Variants in HBEGF observed in about 807,000 individuals in gnomAD.
HBEGF encodes heparin binding EGF like growth factor.
HBEGF carries 8 observed loss-of-function variants against 19.5 expected under a neutral mutation model. The observed-to-expected ratio is 0.41, with a 90% CI of 0.24 to 0.74. The LOEUF (loss-of-function observed/expected upper bound fraction) is 0.74. Among genes scored for constraint, HBEGF ranks in the 30% least tolerant of loss-of-function variants. The probability of loss-of-function intolerance (pLI) is 0.32; values close to 1 mark genes in which losing one functional copy is unlikely to be tolerated. For missense variants in HBEGF, 207 were observed against 256.9 expected (o/e 0.81, Z 1.33); for synonymous variants, 97 against 108.9 (o/e 0.89, Z 0.68).
chr5:140,337,618 G>A lies in HBEGF; in HGVS notation c.399-1591C>T, dbSNP rs11465450. On this transcript the variant is annotated intron_variant, in intron 3 of 5. Coordinates refer to ENST00000230990, the MANE Select transcript of HBEGF (RefSeq NM_001945.3). Reference sequence around the variant, plus strand: ...GTCCACAACCAGCAGTGGCAGAGGGGCCAGGCTGGGTGGTACTGCATTCTT... The same window carrying A: ...GTCCACAACCAGCAGTGGCAGAGGGACCAGGCTGGGTGGTACTGCATTCTT... Among the ~76,000 whole-genome samples the A allele has an allele frequency of 7.6e-3, 1,162 of 152,270 alleles. 10 individuals carry two copies. Among genetic ancestry groups the A allele is most frequent in the Non-Finnish European group, 0.012 (803 of 68,012 alleles).
chr5:140,339,737 G>C (rs543769070), intron 3 of HBEGF, among the ~76,000 whole-genome samples: 1 of 152,098 alleles, frequency 6.6e-6, no homozygotes, highest in African/African-American at 2.4e-5. Flanking sequence ...GACACAAAAA[G>C]GGTTTTCCTG....
intron 3 of HBEGF, 91 bp downstream of exon 3, chr5:140,342,544 T>A: frequency 8.1e-7 from 1 of 1,234,570 alleles, no homozygotes; most frequent in South Asian, 1.3e-5. Flanking sequence ...CTGGGTGAAA[T>A]TATGAATTCA....
chr5:140,346,140 G>C lies in HBEGF; in HGVS notation c.47-56C>G. ...ACCCGCCCAGACCCCTGACCAACAC[G>C]CACCGATGCCGACGCCCGTCCGCCA... On this transcript the variant is annotated intron_variant, in intron 1 of 5. Transcript: ENST00000230990. The surrounding 1 kb of genome is among the most constrained non-coding windows in gnomAD (Gnocchi z 6.1). 6.3e-7 allele frequency: 1 copy of C among 1,580,032 alleles called. No homozygotes were observed. The highest frequency in any genetic ancestry group is 8.6e-7 in the Non-Finnish European group (1 of 1,163,688).
At chr5:140,336,174 C>A in intron 3 of HBEGF, 147 bp from the exon 4 acceptor site, 1 of 750,708 alleles carries the variant, frequency 1.3e-6, no homozygotes. Flanking sequence ...CATCCTTCTC[C>A]TCTAGTAGAA....
chr5:140,336,828 CTTTTTT>C (rs1160533557), intron 3 of HBEGF, among the ~76,000 whole-genome samples: 3 of 129,812 alleles, frequency 2.3e-5, no homozygotes, highest in Admixed American at 7.7e-5. Flanking sequence ...TTTTCTTTTT[CTTTTTT>C]TTTTTTTTTT....
chr5:140,338,426 G>A (rs1766259662), intron 3 of HBEGF, among the ~76,000 whole-genome samples: 2 of 152,178 alleles, frequency 1.3e-5, no homozygotes, highest in African/African-American at 4.8e-5. Context: ...TTCAACAGCA[G>A]TCTGGATGAC....
At chr5:140,345,025 T>C (rs1766375323) in intron 2 of HBEGF, among the ~76,000 whole-genome samples, 1 of 151,908 alleles carries the variant, frequency 6.6e-6, no homozygotes, top group Non-Finnish European at 1.5e-5. Flanking sequence ...TTATACAAAG[T>C]AGAGAGAGTA....
At chr5:140,334,541 T>C in intron 5 of HBEGF, 117 bp downstream of exon 5, 1 of 752,026 alleles carries the variant, frequency 1.3e-6, no homozygotes, top group South Asian at 1.5e-5. Flanking sequence ...AATGGGATAT[T>C]AATGTCACAG....
chr5:140,334,608 G>C (rs1766199397), intron 5 of HBEGF, 50 bp downstream of exon 5: 5 of 1,293,774 alleles, frequency 3.9e-6, no homozygotes, highest in Non-Finnish European at 4.5e-6. Context: ...GCACAGCCAG[G>C]AAAGGGGACA....
In HBEGF at chr5:140,346,043, G is replaced by T; in HGVS notation, c.88C>A (p.Arg30=). Residue 30 remains arginine (R), a synonymous_variant, in exon 2 of 6, where the codon CGG becomes AGG. Transcript: ENST00000230990. This position sits in a 1 kb window ranked among gnomAD's most constrained non-coding sequence, Gnocchi z 6.1. The part of the protein sequence containing the change: ...LVTGESLERL[R]RGLAAGTSNP... ...CTGGTTCCAGCAGCTAGCCCTCTCC[G>T]AAGCCGCTCCAGGCTCTCGCCAGTC... The T allele has an allele frequency of 6.2e-7, 1 of 1,613,766 alleles. No individual in the cohort carries two copies. Among genetic ancestry groups the T allele is most frequent in the Non-Finnish European group, 8.5e-7 (1 of 1,179,896 alleles).
rs924771932 is a variant in HBEGF, at chr5:140,332,854, G to A, written c.*1445C>T. The A allele has an allele frequency of 3.9e-5, 6 of 152,566 alleles. No homozygotes were observed. Among genetic ancestry groups the A allele is most frequent in the African/African-American group, 1.4e-4 (6 of 41,418 alleles). The allele number at this position is 152,566 out of a possible 1,614,324, so 9.5% of individuals were successfully genotyped here. ...AACAGACAAAAGGCTATGGAATAAG[G>A]GTTATCTTTATTTGGATTGCAAAGT... On this transcript the variant is annotated 3_prime_UTR_variant, in exon 6 of 6. Coordinates refer to ENST00000230990, the MANE Select transcript of HBEGF (RefSeq NM_001945.3).
Position 140,346,199 on chromosome 5 carries a change from G to C in HBEGF, c.46+84C>G. On this transcript the variant is annotated intron_variant, in intron 1 of 5. Coordinates refer to ENST00000230990, the MANE Select transcript of HBEGF (RefSeq NM_001945.3). The surrounding 1 kb of genome is among the most constrained non-coding windows in gnomAD (Gnocchi z 6.1). ...GGGCCCCACCAAGTGGCCCGTGCCGGGTGCGCTGCGGCGACCTTCCCCCAT... is the reference window on the plus strand; with the variant it reads ...GGGCCCCACCAAGTGGCCCGTGCCGCGTGCGCTGCGGCGACCTTCCCCCAT... 3.9e-6 allele frequency: 6 copies of C among 1,554,552 alleles called. No individual in the cohort carries two copies. The highest frequency in any genetic ancestry group is 5.2e-6 in the Non-Finnish European group (6 of 1,150,150).
At chr5:140,344,375 A>G (rs893912450) in intron 2 of HBEGF, among the ~76,000 whole-genome samples, 1 of 152,070 alleles carries the variant, frequency 6.6e-6, no homozygotes, top group African/African-American at 2.4e-5. Context: ...AATTTCAGCT[A>G]TTTACTGTGG....
At chr5:140,339,401 TA>T (rs1043383735) in intron 3 of HBEGF, among the ~76,000 whole-genome samples, 1 of 152,142 alleles carries the variant, frequency 6.6e-6, no homozygotes, top group Non-Finnish European at 1.5e-5. Context: ...TTATTATTAT[TA>T]TTTTTTTGAG....
rs965619799 is a variant in HBEGF at position 140,346,483 on chromosome 5, G to A, written c.-155C>T. 7.6e-5 allele frequency: 61 copies of A among 806,026 alleles called. No homozygotes were observed. In the African/African-American group the frequency reaches 8.7e-4, roughly 11 times the overall value. 49.9% of individuals were successfully genotyped at this position (806,026 alleles called of 1,614,324 possible). ...GTGCAAGCCTGGCCGGGACCCAGGC[G>A]CAGCTCGCTCTTCTTGAGTGTCTTG... On this transcript the variant is annotated 5_prime_UTR_variant, in exon 1 of 6. Coordinates refer to ENST00000230990, the MANE Select transcript of HBEGF (RefSeq NM_001945.3). The surrounding 1 kb of genome is among the most constrained non-coding windows in gnomAD (Gnocchi z 6.1).
In HBEGF at chr5:140,346,190, C is replaced by T; in HGVS notation, c.46+93G>A. 4.5e-6 allele frequency: 7 copies of T among 1,556,688 alleles called. No individual in the cohort carries two copies. The South Asian group carries it at 8.1e-5, about 18-fold the overall frequency. On this transcript the variant is annotated intron_variant, in intron 1 of 5. Coordinates refer to ENST00000230990, the MANE Select transcript of HBEGF (RefSeq NM_001945.3). This position sits in a 1 kb window ranked among gnomAD's most constrained non-coding sequence, Gnocchi z 6.1. ...AGAGCGCAAGGGCCCCACCAAGTGG[C>T]CCGTGCCGGGTGCGCTGCGGCGACC...
Position 140,346,423 on chromosome 5 carries a change from G to C in HBEGF, c.-95C>G. 3 of 1,386,842 alleles carry C rather than the reference G, an allele frequency of 2.2e-6. No homozygotes were observed. The highest frequency in any genetic ancestry group is 3.0e-6 in the Non-Finnish European group (3 of 1,006,624). The allele number at this position is 1,386,842 out of a possible 1,614,324, so 85.9% of individuals were successfully genotyped here. ...CAGAGCTGGGCGGCGGAGCTCAGGA[G>C]ATTCCGCCGGGCACCGTCTGCCGCC... On this transcript the variant is annotated 5_prime_UTR_variant, in exon 1 of 6. The change creates a new upstream start codon in the 5' untranslated region. Coordinates refer to ENST00000230990, the MANE Select transcript of HBEGF (RefSeq NM_001945.3). The surrounding 1 kb of genome is among the most constrained non-coding windows in gnomAD (Gnocchi z 6.1).
chr5:140,337,058 T>C (rs1766239660), intron 3 of HBEGF, among the ~76,000 whole-genome samples: 1 of 152,024 alleles, frequency 6.6e-6, no homozygotes. Flanking sequence ...CTCAAACTCC[T>C]GACCTCAGGT....
intron 3 of HBEGF, among the ~76,000 whole-genome samples, chr5:140,339,481 C>T (rs1484375991): frequency 1.3e-5 from 2 of 152,106 alleles, no homozygotes; most frequent in Admixed American, 6.5e-5. Flanking sequence ...CAAGTTCTGC[C>T]TCCTGGGTTT....
Sources: gnomAD v4.1 joint callset for allele counts (sites outside exome capture counted in the v4.1 genomes callset) on GRCh38, gnomAD v4.1.1 for gene constraint, Gnocchi (gnomAD v3.1) non-coding constraint, MANE v1.5 for transcripts, NCBI Gene and HGNC (gene_info 2026-07-23, HGNC 2026-07-21) for gene names.